The following RBBP8 variants were observed in gnomAD, a reference collection of about 807,000 sequenced individuals.
RBBP8 encodes RB binding protein 8, endonuclease.
Under a neutral mutation model 108.3 loss-of-function variants are expected in RBBP8, and 88 were observed. The observed-to-expected ratio is 0.81, with a 90% CI of 0.68 to 0.97. The LOEUF is 0.97. Ranked by LOEUF, RBBP8 falls within the 50% of genes least tolerant of loss-of-function variation. The probability of loss-of-function intolerance (pLI) is 0.00; values close to 1 mark genes in which losing one functional copy is unlikely to be tolerated. For missense variants in RBBP8, 1,023 were observed against 1,049.0 expected (o/e 0.98, Z 0.34); for synonymous variants, 332 against 348.2 (o/e 0.95, Z 0.52).
Position 23,006,368 on chromosome 18 carries a change from G to A in RBBP8, c.2293G>A (p.Gly765Ser). 1 of 1,612,086 alleles carries A rather than the reference G, an allele frequency of 6.2e-7. No homozygotes were observed. Among genetic ancestry groups the A allele is most frequent in the Non-Finnish European group, 8.5e-7 (1 of 1,178,440 alleles). ...STATKKLHTH[G>S]DKQDKVKQKA... ...TGTGCATGTTTTATTTATAGCTCAT[G>A]GTGATAAACAAGACAAAGTCAAGCA... Residue 765 changes from glycine to serine, a missense_variant, in exon 16 of 19, where the codon GGT becomes AGT. By Grantham distance (56) the Gly-to-Ser change is moderately conservative (BLOSUM62 0). Coordinates refer to ENST00000327155, the MANE Select transcript of RBBP8 (RefSeq NM_002894.3).
chr18:22,946,961 AT>A (rs1567952258), intron 3 of RBBP8, among the ~76,000 whole-genome samples: 1 of 152,114 alleles, frequency 6.6e-6, no homozygotes, highest in South Asian at 2.1e-4. Context: ...TTACTTGAAG[AT>A]TCTCTGAATT....
intron 16 of RBBP8, among the ~76,000 whole-genome samples, chr18:23,006,649 A>G (rs1297071395): frequency 6.6e-6 from 1 of 152,002 alleles, no homozygotes; most frequent in Non-Finnish European, 1.5e-5. Flanking sequence ...CTACAGGCAC[A>G]TACTACCACA....
intron 4 of RBBP8, among the ~76,000 whole-genome samples, chr18:22,965,302 A>C (rs1913485836): frequency 6.6e-6 from 1 of 152,008 alleles, no homozygotes; most frequent in Non-Finnish European, 1.5e-5. Flanking sequence ...AAGAGATGAG[A>C]ATAAAGTAAT....
intron 6 of RBBP8, among the ~76,000 whole-genome samples, chr18:22,976,892 TG>T (rs919005452): frequency 6.6e-6 from 1 of 152,108 alleles, no homozygotes; most frequent in Non-Finnish European, 1.5e-5. Flanking sequence ...GTCATTTGCT[TG>T]GTAGAAATAT....
At chr18:23,002,348 G>C (rs1451507029) in intron 15 of RBBP8, among the ~76,000 whole-genome samples, 26 of 152,134 alleles carry the variant, frequency 1.7e-4, no homozygotes, top group Non-Finnish European at 1.5e-5. Flanking sequence ...GGTCGTGGCT[G>C]CATCAGTGAA....
intron 3 of RBBP8, among the ~76,000 whole-genome samples, chr18:22,917,980 T>G (rs1307263515): frequency 7.3e-6 from 1 of 136,824 alleles, no homozygotes; most frequent in Non-Finnish European, 1.6e-5. Flanking sequence ...CCTGGTCAAC[T>G]GAGCAAGACT....
rs77468673 is a variant in RBBP8, at chr18:22,954,539, T to A, written c.248+4826T>A. On this transcript the variant is annotated intron_variant, in intron 4 of 18. Transcript: ENST00000327155. ...GCTCTGCCCCTGTGATTTTGCAGGG[T>A]ACAGCCCCATTCCCAGCTTCCTTCA... Among the ~76,000 whole-genome samples, 234 of 152,332 alleles carry A rather than the reference T, an allele frequency of 1.5e-3. 1 individual carries two copies. The highest frequency in any genetic ancestry group is 5.4e-3 in the African/African-American group (223 of 41,582).
intron 3 of RBBP8, among the ~76,000 whole-genome samples, chr18:22,947,381 A>G (rs1043895266): frequency 6.9e-6 from 1 of 144,438 alleles, no homozygotes; most frequent in African/African-American, 2.6e-5. Context: ...CCCAGCCCCC[A>G]TATATGACAT....
chr18:22,956,805 T>G (rs1045339501), intron 4 of RBBP8, among the ~76,000 whole-genome samples: 1 of 152,218 alleles, frequency 6.6e-6, no homozygotes, highest in African/African-American at 2.4e-5. Context: ...GGCTCATTTA[T>G]GTTTAATGAT....
At chr18:22,935,353 G>T (rs1355306428) in intron 1 of RBBP8, among the ~76,000 whole-genome samples, 1 of 142,008 alleles carries the variant, frequency 7.0e-6, no homozygotes. Context: ...TAAATATCTC[G>T]GTAAATATCC....
chr18:22,922,168 T>A (rs1232921870), intron 3 of RBBP8, among the ~76,000 whole-genome samples: 1 of 152,148 alleles, frequency 6.6e-6, no homozygotes, highest in Non-Finnish European at 1.5e-5. Context: ...ATTAAGTAAA[T>A]ACCATACTTG....
intron 4 of RBBP8, among the ~76,000 whole-genome samples, chr18:22,964,834 A>G (rs988861732): frequency 2.0e-5 from 3 of 151,954 alleles, no homozygotes; most frequent in African/African-American, 7.2e-5. Flanking sequence ...TGTTCTCAGA[A>G]TATTTCCTTT....
chr18:22,989,447 A>G (rs1915536182), intron 9 of RBBP8, 129 bp downstream of exon 9: 3 of 650,700 alleles, frequency 4.6e-6, no homozygotes, highest in Non-Finnish European at 5.5e-6. Flanking sequence ...CAAAACTTAC[A>G]TTGTTAGAAA....
intron 18 of RBBP8, among the ~76,000 whole-genome samples, chr18:23,022,668 T>TAAATAAAATA (rs1175474463): frequency 1.2e-4 from 16 of 136,068 alleles, no homozygotes; most frequent in Non-Finnish European, 1.9e-4. Flanking sequence ...TAAAATAAAA[T>TAAATAAAATA]AAATAACTGT....
At chr18:22,935,609 A>G (rs1415921982) in intron 1 of RBBP8, among the ~76,000 whole-genome samples, 2 of 152,298 alleles carry the variant, frequency 1.3e-5, no homozygotes, top group African/African-American at 2.4e-5. Flanking sequence ...CCCCTTTGTC[A>G]GAGACCTCAG....
chr18:22,985,946 T>C (rs758492021), intron 8 of RBBP8, among the ~76,000 whole-genome samples: 8 of 152,102 alleles, frequency 5.3e-5, no homozygotes, highest in African/African-American at 1.9e-4. Context: ...TTTCAACTTT[T>C]CTTTTGTTGA....
intron 6 of RBBP8, among the ~76,000 whole-genome samples, chr18:22,975,804 C>G (rs1393553386): frequency 1.3e-5 from 2 of 152,066 alleles, no homozygotes; most frequent in Admixed American, 6.6e-5. Context: ...TGCCTGTCGT[C>G]TTACAGCTGG....
intron 3 of RBBP8, among the ~76,000 whole-genome samples, chr18:22,927,473 T>C (rs2144351280): frequency 6.6e-6 from 1 of 152,282 alleles, no homozygotes. Flanking sequence ...TCATTGATTA[T>C]ATTATATATG....
chr18:22,955,888 AT>A (rs1912489437), intron 4 of RBBP8, among the ~76,000 whole-genome samples: 1 of 152,012 alleles, frequency 6.6e-6, no homozygotes, highest in African/African-American at 2.4e-5. Context: ...CCAGGTTTAT[AT>A]CTTAAATCTG....
Sources: allele counts gnomAD v4.1 joint callset (sites outside exome capture counted in the v4.1 genomes callset), GRCh38; gene constraint gnomAD v4.1.1; transcripts MANE v1.5; gene names NCBI Gene and HGNC (gene_info 2026-07-23, HGNC 2026-07-21).